The following TMEM120B variants were observed in gnomAD, a reference collection of about 807,000 sequenced individuals.
TMEM120B encodes transmembrane protein 120B.
In TMEM120B, 31 loss-of-function variants were observed where a neutral mutation model predicts 55.5. That is an observed-to-expected ratio of 0.56 (90% CI 0.42 to 0.75). The LOEUF (loss-of-function observed/expected upper bound fraction) is 0.75. TMEM120B is among the 30% of genes least tolerant of loss of function. TMEM120B has a pLI of 0.00. For synonymous variants in TMEM120B, 203 were observed against 176.3 expected, an observed-to-expected ratio of 1.15 and a Z score of -1.20; for missense variants, 399 against 425.5, an observed-to-expected ratio of 0.94 and a Z score of 0.55.
chr12:121,755,687 A>G (rs887411061), intron 5 of TMEM120B, among the ~76,000 whole-genome samples: 3 of 152,138 alleles, frequency 2.0e-5, no homozygotes, highest in Admixed American at 1.3e-4. Flanking sequence ...AGACACTGGT[A>G]GTGGAATGGG....
intron 1 of TMEM120B, among the ~76,000 whole-genome samples, chr12:121,724,629 G>A (rs1273408231): frequency 8.7e-6 from 1 of 114,426 alleles, no homozygotes; most frequent in South Asian, 2.7e-4. Context: ...TTTTTTTTTT[G>A]AGATGGAGTC....
chr12:121,773,276 TGGGCGTGGGAGAGGGTTGTAACCA>T, intron 8 of TMEM120B, 121 bp from the exon 9 acceptor site: 1 of 633,412 alleles, frequency 1.6e-6, no homozygotes. Flanking sequence ...TTGTGGTGTG[TGGGCGTGGGAGAGGGTTGTAACCA>T]GGGCACCCTT....
chr12:121,743,862 G>A (rs566051402), intron 2 of TMEM120B, 115 bp downstream of exon 2: 1 of 741,696 alleles, frequency 1.3e-6, no homozygotes, highest in Admixed American at 2.5e-5. Flanking sequence ...ACTGGGAGTT[G>A]CTTCAGGCAT....
intron 1 of TMEM120B, among the ~76,000 whole-genome samples, chr12:121,717,659 T>G (rs1370759695): frequency 2.6e-5 from 4 of 152,156 alleles, no homozygotes; most frequent in Non-Finnish European, 5.9e-5. Flanking sequence ...TGGGGCGTCT[T>G]TCTTTCTTTT....
At chr12:121,769,746 G>A (rs930952503) in intron 6 of TMEM120B, among the ~76,000 whole-genome samples, 7 of 145,428 alleles carry the variant, frequency 4.8e-5, no homozygotes, top group African/African-American at 1.9e-4. Context: ...GTACATGCAT[G>A]CTTATTCAAC....
Position 121,779,111 on chromosome 12 carries a change from T to C in TMEM120B, c.*3389T>C, listed in dbSNP as rs1874345426. On this transcript the variant is annotated 3_prime_UTR_variant, in exon 12 of 12. Transcript: ENST00000449592. ...GCCCAGGGAGGCAGGGACACAGGAG[T>C]GGCAGGCTTGGGGCGCCCGCGTGGA... is the stretch of plus-strand genomic sequence containing the variant. The C allele has an allele frequency of 5.2e-6, 1 of 191,564 alleles. No individual in the cohort carries two copies. Among genetic ancestry groups the C allele is most frequent in the Admixed American group, 5.3e-5 (1 of 18,866 alleles). 11.9% of individuals were successfully genotyped at this position (191,564 alleles called of 1,614,324 possible). A position where few individuals can be genotyped will look rare whatever the true frequency, so the allele number is the denominator to read the frequency against.
chr12:121,761,774 G>C, intron 6 of TMEM120B, 36 bp downstream of exon 6: 1 of 1,547,274 alleles, frequency 6.5e-7, no homozygotes. Flanking sequence ...GAGCACAAGA[G>C]GAGTTAAAGG....
At chr12:121,768,908 G>A (rs1232011974) in intron 6 of TMEM120B, among the ~76,000 whole-genome samples, 1 of 152,150 alleles carries the variant, frequency 6.6e-6, no homozygotes, top group Admixed American at 6.5e-5. Flanking sequence ...CACTTTGGGA[G>A]GCCGAGGCAG....
At chr12:121,765,405 G>C (rs1873816246) in intron 6 of TMEM120B, among the ~76,000 whole-genome samples, 1 of 152,070 alleles carries the variant, frequency 6.6e-6, no homozygotes, top group Non-Finnish European at 1.5e-5. Flanking sequence ...GCTGGGATTA[G>C]AGGCATGAGC....
At chr12:121,716,528 C>G (rs1168251317) in intron 1 of TMEM120B, among the ~76,000 whole-genome samples, 3 of 149,404 alleles carry the variant, frequency 2.0e-5, no homozygotes, top group Non-Finnish European at 3.0e-5. Flanking sequence ...TGTGTAATGT[C>G]TCTGTGTCTT....
At chr12:121,725,908 G>A (rs1894879847) in intron 1 of TMEM120B, among the ~76,000 whole-genome samples, 1 of 151,860 alleles carries the variant, frequency 6.6e-6, no homozygotes, top group South Asian at 2.1e-4. Context: ...GTGGTGATGC[G>A]TACCTGTAGT....
intron 1 of TMEM120B, among the ~76,000 whole-genome samples, chr12:121,733,029 A>G (rs1895032979): frequency 6.6e-6 from 1 of 151,958 alleles, no homozygotes. Context: ...CTGACCTGCA[A>G]TTTTACCTCT....
intron 1 of TMEM120B, among the ~76,000 whole-genome samples, chr12:121,738,729 G>C (rs1443425705): frequency 1.3e-5 from 2 of 152,170 alleles, no homozygotes; most frequent in Non-Finnish European, 2.9e-5. Flanking sequence ...ACCAAGCAAA[G>C]TTAGCATCGT....
intron 6 of TMEM120B, among the ~76,000 whole-genome samples, chr12:121,766,470 G>A (rs1003908320): frequency 6.6e-6 from 1 of 152,110 alleles, no homozygotes; most frequent in Non-Finnish European, 1.5e-5. Flanking sequence ...CCCCTGCGAT[G>A]GCCCCCAGCG....
intron 5 of TMEM120B, among the ~76,000 whole-genome samples, chr12:121,753,706 TAA>T (rs113442097): frequency 1.4e-5 from 2 of 147,548 alleles, no homozygotes; most frequent in African/African-American, 4.9e-5. Flanking sequence ...CAATTATATT[TAA>T]AAAAAAAAAG....
chr12:121,757,862 A>G (rs1345528920), intron 5 of TMEM120B, among the ~76,000 whole-genome samples: 1 of 152,190 alleles, frequency 6.6e-6, no homozygotes, highest in Admixed American at 6.5e-5. Flanking sequence ...CATGTTGGCC[A>G]GGCTGGTCTT....
intron 6 of TMEM120B, among the ~76,000 whole-genome samples, chr12:121,768,984 A>G (rs1873936105): frequency 6.6e-6 from 1 of 152,046 alleles, no homozygotes; most frequent in Admixed American, 6.6e-5. Context: ...TGTCTCTACT[A>G]AAAATACAAA....
chr12:121,780,514 G>A lies in TMEM120B; in HGVS notation c.*4792G>A, dbSNP rs185697059. ...CTTTCAAACAAGGCAGACAGGACAC[G>A]ACAGGACGGCGGCTCATAGCACAGA... is the stretch of plus-strand genomic sequence containing the variant. On this transcript the variant is annotated 3_prime_UTR_variant, in exon 12 of 12. Coordinates refer to ENST00000449592, the MANE Select transcript of TMEM120B (RefSeq NM_001080825.2). The A allele has an allele frequency of 2.9e-5, 12 of 418,122 alleles. No individual in the cohort carries two copies. Among genetic ancestry groups the A allele is most frequent in the African/African-American group, 1.0e-4 (5 of 49,614 alleles). The allele number at this position is 418,122 out of a possible 1,614,324, so 25.9% of individuals were successfully genotyped here. A position where few individuals can be genotyped will look rare whatever the true frequency, so the allele number is the denominator to read the frequency against.
chr12:121,722,934 C>T (rs1006467475), intron 1 of TMEM120B, among the ~76,000 whole-genome samples: 2 of 150,828 alleles, frequency 1.3e-5, no homozygotes, highest in Non-Finnish European at 3.0e-5. Flanking sequence ...CTGCAACCTC[C>T]GCCTCCCGGG....
Sources: gnomAD v4.1 joint callset for allele counts (sites outside exome capture counted in the v4.1 genomes callset) on GRCh38, gnomAD v4.1.1 for gene constraint, MANE v1.5 for transcripts, NCBI Gene and HGNC (gene_info 2026-07-23, HGNC 2026-07-21) for gene names.